KDM3B: variants seen among roughly 807,000 people sequenced by gnomAD.
KDM3B encodes the protein lysine demethylase 3B.
KDM3B carries 10 observed loss-of-function variants against 170.0 expected under a neutral mutation model. That is an observed-to-expected ratio of 0.06 (90% confidence interval 0.04 to 0.10). KDM3B has a LOEUF of 0.10. Among genes scored for constraint, KDM3B ranks in the 10% least tolerant of loss-of-function variants. The probability of loss-of-function intolerance (pLI) is 1.00; values close to 1 mark genes in which losing one functional copy is unlikely to be tolerated. For synonymous variants in KDM3B, 831 were observed against 834.8 expected (o/e 1.00, Z 0.08); for missense variants, 1,394 against 2,195.2 (o/e 0.64, Z 7.29).
intron 14 of KDM3B, among the ~76,000 whole-genome samples, chr5:138,419,736 C>CAT (rs1164665859): frequency 0.016 from 982 of 62,682 alleles, 16 homozygotes; most frequent in African/African-American, 0.044. Context: ...CATACACACA[C>CAT]ACACACACAC....
intron 15 of KDM3B, among the ~76,000 whole-genome samples, chr5:138,422,248 G>A (rs4240368): frequency 0.99 from 150,258 of 152,272 alleles, 74,177 homozygotes; most frequent in Middle Eastern, 1. Flanking sequence ...ATTTTTGACT[G>A]TTCTATAATA....
At position 138,381,690 on chromosome 5, in the gene KDM3B, G is replaced by A. The variant is rs552509877; in HGVS notation, c.780+100G>A. 1.7e-4 allele frequency: 124 copies of A among 733,880 alleles called. No individual in the cohort carries two copies. In the East Asian group the frequency reaches 3.0e-3, roughly 18 times the overall value. The allele number at this position is 733,880 out of a possible 1,614,324, so 45.5% of individuals were successfully genotyped here. A position where few individuals can be genotyped will look rare whatever the true frequency, so the allele number is the denominator to read the frequency against. On this transcript the variant is annotated intron_variant, in intron 6 of 23. Transcript: ENST00000314358. ...TGTGTTTTCCATGGATGCCTTTTGA[G>A]TTGTTCAGCTTTAGCCACTGTACAT...
chr5:138,386,361 G>A lies in KDM3B; in HGVS notation c.1120G>A (p.Val374Ile). 1.2e-6 allele frequency: 2 copies of A among 1,614,244 alleles called. No homozygotes were observed. Among genetic ancestry groups the A allele is most frequent in the Non-Finnish European group, 1.7e-6 (2 of 1,180,038 alleles). Reference protein sequence around the residue: ...GRTLVVQDEPVGGDTPASFTP... With the variant: ...GRTLVVQDEPIGGDTPASFTP... ...GACTCTGGTGGTGCAGGATGAGCCT[G>A]TAGGTGGGGACACACCTGCATCTTT... is the stretch of plus-strand genomic sequence containing the variant. The change falls in exon 7 of 24, where the codon GTA becomes ATA. Residue 374 changes from valine to isoleucine, a missense_variant. Val to Ile is a conservative substitution (Grantham distance 29). Around this residue, in one of 19 missense-constraint regions of KDM3B, gnomAD observed 205 missense variants for 227.6 expected, o/e 0.90. Transcript: ENST00000314358.
In KDM3B at chr5:138,415,258, T is replaced by C; in HGVS notation, c.3307+19T>C. On this transcript the variant is annotated intron_variant, in intron 12 of 23. Coordinates refer to ENST00000314358, the MANE Select transcript of KDM3B (RefSeq NM_016604.4). ...GGCACAGGTAAGGAAATTCCTTTTT[T>C]AGATTTGGTGGAAGAAATGTTTTTA... The C allele has an allele frequency of 6.6e-7, 1 of 1,524,278 alleles. No individual in the cohort carries two copies. Among genetic ancestry groups the C allele is most frequent in the African/African-American group, 1.4e-5 (1 of 73,240 alleles). The allele number at this position is 1,524,278 out of a possible 1,614,324, so 94.4% of individuals were successfully genotyped here.
chr5:138,409,204 A>G (rs1159950938), intron 11 of KDM3B, among the ~76,000 whole-genome samples: 1 of 152,176 alleles, frequency 6.6e-6, no homozygotes, highest in Non-Finnish European at 1.5e-5. Context: ...TAAAAGGGAA[A>G]AAGGGGAAAA....
At chr5:138,381,975 T>C (rs200747310) in intron 6 of KDM3B, among the ~76,000 whole-genome samples, 12 of 148,464 alleles carry the variant, frequency 8.1e-5, no homozygotes, top group African/African-American at 2.4e-4. Flanking sequence ...TTTTTTTTTT[T>C]CCATTCGGTG....
intron 6 of KDM3B, among the ~76,000 whole-genome samples, chr5:138,383,767 G>C (rs748247522): frequency 2.2e-4 from 34 of 152,102 alleles, no homozygotes; most frequent in Admixed American, 1.6e-3. Context: ...TGGCCAACAT[G>C]ATGAAACCCT....
chr5:138,407,762 C>T (rs1762859977), intron 11 of KDM3B, among the ~76,000 whole-genome samples: 1 of 152,118 alleles, frequency 6.6e-6, no homozygotes, highest in African/African-American at 2.4e-5. Flanking sequence ...TAGATCGGCC[C>T]CAGGAGGAGC....
At chr5:138,426,917 G>T in intron 17 of KDM3B, 58 bp from the exon 18 acceptor site, 172 of 1,105,140 alleles carry the variant, frequency 1.6e-4, no homozygotes, top group Non-Finnish European at 2.2e-4. Context: ...AGTTACTGTT[G>T]AAAATCGGAC....
rs200589367 is a variant in KDM3B at position 138,418,985 on chromosome 5, A to C, written c.3468A>C (p.Gly1156=). ...GCATAAACCCTAGTGCCTCTTCTGGAAACGAAACTACCTTCTCTGGTGGAG... is the reference window on the plus strand; with the variant it reads ...GCATAAACCCTAGTGCCTCTTCTGGCAACGAAACTACCTTCTCTGGTGGAG... ...LPSINPSASS[G]NETTFSGGGG... The change falls in exon 14 of 24, where the codon GGA becomes GGC. Residue 1156 remains glycine (G), a synonymous_variant. Transcript: ENST00000314358. 1.1e-5 allele frequency: 18 copies of C among 1,614,188 alleles called. No individual in the cohort carries two copies. In the East Asian group the frequency reaches 4.0e-4, roughly 36 times the overall value.
chr5:138,428,115 G>C, intron 20 of KDM3B, 29 bp downstream of exon 20: 1 of 1,608,874 alleles, frequency 6.2e-7, no homozygotes, highest in Non-Finnish European at 8.5e-7. Flanking sequence ...ACTGCTTTAG[G>C]ATGGTGAGGC....
intron 1 of KDM3B, among the ~76,000 whole-genome samples, chr5:138,372,206 A>C (rs1303685725): frequency 6.6e-6 from 1 of 152,258 alleles, no homozygotes; most frequent in Non-Finnish European, 1.5e-5. Flanking sequence ...ATATGCATAC[A>C]TCACCTATTC....
chr5:138,362,506 G>A (rs535680445), intron 1 of KDM3B, among the ~76,000 whole-genome samples: 1 of 150,578 alleles, frequency 6.6e-6, no homozygotes, highest in East Asian at 1.9e-4. Context: ...TGCACCTATA[G>A]GGAGGATCAC....
chr5:138,407,524 A>G (rs1025781372), intron 11 of KDM3B, among the ~76,000 whole-genome samples: 1 of 152,022 alleles, frequency 6.6e-6, no homozygotes, highest in Non-Finnish European at 1.5e-5. Flanking sequence ...TCCGTGTCCA[A>G]AATTTTCCTG....
intron 10 of KDM3B, among the ~76,000 whole-genome samples, chr5:138,398,966 G>A (rs1354083378): frequency 3.5e-5 from 5 of 140,890 alleles, no homozygotes; most frequent in Non-Finnish European, 7.5e-5. Flanking sequence ...TCGGCTCACT[G>A]CAACCTCCAC....
chr5:138,419,360 T>G, intron 14 of KDM3B, 128 bp downstream of exon 14: 1 of 1,178,544 alleles, frequency 8.5e-7, no homozygotes, highest in Non-Finnish European at 1.2e-6. Flanking sequence ...GCTAATCACA[T>G]GAGGGACTGC....
chr5:138,396,821 T>C (rs1047637786), intron 9 of KDM3B, among the ~76,000 whole-genome samples: 74 of 152,176 alleles, frequency 4.9e-4, no homozygotes, highest in African/African-American at 1.7e-3. Flanking sequence ...GAAGAGGGAA[T>C]GTACCAAGAA....
At chr5:138,375,670 G>C (rs1441978127) in intron 3 of KDM3B, among the ~76,000 whole-genome samples, 1 of 151,182 alleles carries the variant, frequency 6.6e-6, no homozygotes, top group African/African-American at 2.4e-5. Context: ...GAGCCACCAC[G>C]CCCAGCCTAT....
In KDM3B at chr5:138,430,386, A is replaced by G; in HGVS notation, c.5031A>G (p.Leu1677=). ...GVQGWAIVQF[L]GDAVFIPAGA... ...AAGGCTGGGCTATTGTGCAGTTCCTAGGTGATGCTGTTTTCATACCTGCTG... is the reference window on the plus strand; with the variant it reads ...AAGGCTGGGCTATTGTGCAGTTCCTGGGTGATGCTGTTTTCATACCTGCTG... The change falls in exon 22 of 24, where the codon CTA becomes CTG. Residue 1677 remains leucine (L), a synonymous_variant. Transcript: ENST00000314358. The G allele has an allele frequency of 6.2e-7, 1 of 1,614,058 alleles. No homozygotes were observed. Among genetic ancestry groups the G allele is most frequent in the Non-Finnish European group, 8.5e-7 (1 of 1,179,978 alleles).
Sources: gnomAD v4.1 joint callset for allele counts (sites outside exome capture counted in the v4.1 genomes callset) on GRCh38, gnomAD v4.1.1 for gene constraint, gnomAD v4.1.1 regional missense constraint, MANE v1.5 for transcripts, NCBI Gene and HGNC (gene_info 2026-07-23, HGNC 2026-07-21) for gene names.